PTPRD: variants seen among roughly 807,000 people sequenced by gnomAD.
The protein encoded by PTPRD is receptor-type tyrosine-protein phosphatase delta.
Under a neutral mutation model 214.5 loss-of-function variants are expected in PTPRD, and 34 were observed. The observed-to-expected ratio is 0.16, with a 90% CI of 0.12 to 0.21. The LOEUF is 0.21. Ranked by LOEUF, PTPRD falls within the 10% of genes least tolerant of loss-of-function variation. The probability of loss-of-function intolerance (pLI) is 1.00; values close to 1 mark genes in which losing one functional copy is unlikely to be tolerated. For synonymous variants in PTPRD, 1,128 were observed against 845.7 expected (o/e 1.33, Z -5.79); for missense variants, 2,545 against 2,398.7 (o/e 1.06, Z -1.27).
chr9:9,072,718 C>G (rs374686372), intron 10 of PTPRD, among the ~76,000 whole-genome samples: 1 of 152,148 alleles, frequency 6.6e-6, no homozygotes, highest in East Asian at 1.9e-4. Context: ...CATGGGAAAT[C>G]TTACGTAGCA....
intron 5 of PTPRD, among the ~76,000 whole-genome samples, chr9:9,774,380 G>C (rs887874570): frequency 6.6e-6 from 1 of 152,196 alleles, no homozygotes; most frequent in South Asian, 2.1e-4. Flanking sequence ...GTGCACTGGT[G>C]AAAGTGCAAA....
intron 9 of PTPRD, among the ~76,000 whole-genome samples, chr9:9,248,683 C>T (rs2099974106): frequency 6.6e-6 from 1 of 152,034 alleles, no homozygotes; most frequent in South Asian, 2.1e-4. Flanking sequence ...TACAGTCTAG[C>T]TAAGGGAATG....
rs1246947052 is a variant in PTPRD at position 8,528,478 on chromosome 9, G to T, written c.541+113C>A. The T allele has an allele frequency of 5.3e-6, 5 of 946,492 alleles. No homozygotes were observed. In the East Asian group the frequency reaches 8.0e-5, roughly 15 times the overall value. The allele number at this position is 946,492 out of a possible 1,614,324, so 58.6% of individuals were successfully genotyped here. On this transcript the variant is annotated intron_variant, in intron 15 of 45. Coordinates refer to ENST00000381196, the MANE Select transcript of PTPRD (RefSeq NM_002839.4). ...TTAAGTAACAGAGAAAGAGAAGAGG[G>T]AGAAAAATCAGTACCTAGAAATAAA...
At chr9:8,858,238 C>G (rs903245702) in intron 11 of PTPRD, 1 of 154,258 alleles carries the variant, frequency 6.5e-6, no homozygotes, top group Non-Finnish European at 1.4e-5. Flanking sequence ...AAAGCGGATT[C>G]TTTGGCCACA....
At chr9:9,853,177 C>A (rs1458387435) in intron 5 of PTPRD, among the ~76,000 whole-genome samples, 1 of 152,076 alleles carries the variant, frequency 6.6e-6, no homozygotes, top group Non-Finnish European at 1.5e-5. Flanking sequence ...AATATCTTAG[C>A]CTTTTCAGGA....
chr9:9,409,463 T>C (rs1189518033), intron 8 of PTPRD, among the ~76,000 whole-genome samples: 1 of 152,044 alleles, frequency 6.6e-6, no homozygotes, highest in Non-Finnish European at 1.5e-5. Flanking sequence ...ATATGCAGTA[T>C]TAAATTAAAT....
At chr9:8,605,747 C>T (rs1027903061) in intron 14 of PTPRD, among the ~76,000 whole-genome samples, 1 of 152,208 alleles carries the variant, frequency 6.6e-6, no homozygotes, top group Non-Finnish European at 1.5e-5. Flanking sequence ...ATGCCATTAC[C>T]TTGTGCTTCA....
intron 14 of PTPRD, among the ~76,000 whole-genome samples, chr9:8,529,261 G>C (rs1393859964): frequency 1.3e-5 from 2 of 152,086 alleles, no homozygotes; most frequent in Non-Finnish European, 2.9e-5. Context: ...AGCTTGGAGA[G>C]TACTTGGGGA....
At chr9:9,693,220 T>C (rs187398474) in intron 7 of PTPRD, among the ~76,000 whole-genome samples, 1 of 152,224 alleles carries the variant, frequency 6.6e-6, no homozygotes, top group African/African-American at 2.4e-5. Context: ...TTTAGCTTTG[T>C]GTTCGCACTA....
intron 9 of PTPRD, among the ~76,000 whole-genome samples, chr9:9,286,402 G>A (rs1049664532): frequency 6.6e-6 from 1 of 151,706 alleles, no homozygotes; most frequent in Non-Finnish European, 1.5e-5. Flanking sequence ...TCATAGTTTT[G>A]CTACTACTAG....
At chr9:8,499,865 G>C (rs2097355663) in intron 24 of PTPRD, 25 bp from the exon 25 acceptor site, 2 of 1,578,354 alleles carry the variant, frequency 1.3e-6, no homozygotes, top group African/African-American at 1.4e-5. Flanking sequence ...TTGGATAAAA[G>C]AAATTATAGG....
chr9:8,615,910 C>A (rs566544112), intron 14 of PTPRD, among the ~76,000 whole-genome samples: 1 of 152,222 alleles, frequency 6.6e-6, no homozygotes, highest in South Asian at 2.1e-4. Context: ...TATATGTCAG[C>A]TAGTCTGTGC....
At chr9:10,345,942 A>C (rs1037149050) in intron 2 of PTPRD, among the ~76,000 whole-genome samples, 5 of 152,120 alleles carry the variant, frequency 3.3e-5, no homozygotes, top group African/African-American at 1.2e-4. Flanking sequence ...CTGACTTTTT[A>C]ATGATCGCCA....
intron 8 of PTPRD, among the ~76,000 whole-genome samples, chr9:9,448,483 T>C (rs546298564): frequency 2.0e-5 from 3 of 152,110 alleles, no homozygotes; most frequent in South Asian, 4.1e-4. Flanking sequence ...GTGAAGAAGA[T>C]GCCTGCTTCC....
chr9:8,384,946 A>T (rs4742492), intron 37 of PTPRD, among the ~76,000 whole-genome samples: 64,130 of 152,070 alleles, frequency 0.42, 16,059 homozygotes, highest in African/African-American at 0.68. Flanking sequence ...CTCAGTTAAG[A>T]TTGGAATTCT....
intron 10 of PTPRD, among the ~76,000 whole-genome samples, chr9:9,141,033 G>A (rs915470488): frequency 1.3e-5 from 2 of 151,916 alleles, no homozygotes; most frequent in African/African-American, 2.4e-5. Context: ...ATTCAAGCTT[G>A]GTGTTTAAAT....
At chr9:8,386,069 T>G (rs899905251) in intron 37 of PTPRD, among the ~76,000 whole-genome samples, 2 of 152,234 alleles carry the variant, frequency 1.3e-5, no homozygotes, top group African/African-American at 4.8e-5. Context: ...CAATACCATT[T>G]GAGACTCACT....
At chr9:10,278,203 T>C (rs1186607873) in intron 3 of PTPRD, among the ~76,000 whole-genome samples, 1 of 151,978 alleles carries the variant, frequency 6.6e-6, no homozygotes, top group Non-Finnish European at 1.5e-5. Flanking sequence ...TTGTGGCCTC[T>C]AGGAACAAAT....
chr9:10,063,053 A>C (rs750960961), intron 3 of PTPRD, among the ~76,000 whole-genome samples: 1 of 152,102 alleles, frequency 6.6e-6, no homozygotes, highest in Admixed American at 6.6e-5. Flanking sequence ...ATAGCCAATA[A>C]ATTGATGTCA....
Sources: allele counts gnomAD v4.1 joint callset (sites outside exome capture counted in the v4.1 genomes callset), GRCh38; gene constraint gnomAD v4.1.1; transcripts MANE v1.5; gene names NCBI Gene and HGNC (gene_info 2026-07-23, HGNC 2026-07-21).